The following TARBP2 variants were observed in gnomAD, a reference collection of about 807,000 sequenced individuals.
TARBP2 encodes TARBP2 subunit of RISC loading complex, also known as RISC-loading complex subunit TARBP2.
In TARBP2, 23 loss-of-function variants were observed where a neutral mutation model predicts 40.4. The ratio of observed to expected loss-of-function variants is 0.57; its 90% CI spans 0.41 to 0.81. The LOEUF is 0.81. TARBP2 is among the 30% of genes least tolerant of loss of function. The probability of loss-of-function intolerance (pLI) is 0.00; values close to 1 mark genes in which losing one functional copy is unlikely to be tolerated. For missense variants in TARBP2, 358 were observed against 473.7 expected (o/e 0.76, Z 2.27); for synonymous variants, 183 against 190.5 (o/e 0.96, Z 0.32).
chr12:53,501,745 G>C, intron 1 of TARBP2: 2 of 1,418,956 alleles, frequency 1.4e-6, no homozygotes, highest in Non-Finnish European at 9.2e-7. Flanking sequence ...TGTGTCAGGG[G>C]GTATGCACTT....
At chr12:53,502,506 G>GGTGCTTAACCAAATTCCC (rs1349594290) in intron 2 of TARBP2, 44 of 332,436 alleles carry the variant, frequency 1.3e-4, no homozygotes, top group African/African-American at 8.9e-4. Context: ...CTCTGTTCCC[G>GGTGCTTAACCAAATTCCC]GTGCTTAACC....
At position 53,505,538 on chromosome 12, in the gene TARBP2, C is replaced by A; in HGVS notation, c.742-111C>A. The A allele has an allele frequency of 8.1e-7, 1 of 1,236,560 alleles. No homozygotes were observed. The highest frequency in any genetic ancestry group is 1.2e-6 in the Non-Finnish European group (1 of 866,824). The allele number at this position is 1,236,560 out of a possible 1,614,324, so 76.6% of individuals were successfully genotyped here. Reference sequence around the variant, plus strand: ...CACCCAGGGATTGACTGGGGGGAGGCAAGCTGGAGGAAGCATTCTTTGTGC... The same window carrying A: ...CACCCAGGGATTGACTGGGGGGAGGAAAGCTGGAGGAAGCATTCTTTGTGC... On this transcript the variant is annotated intron_variant, in intron 7 of 8. Transcript: ENST00000266987. This position sits in a 1 kb window ranked among gnomAD's most constrained non-coding sequence, Gnocchi z 4.5.
Position 53,505,965 on chromosome 12 carries a change from C to A in TARBP2, c.944-26C>A. 6.2e-7 allele frequency: 1 copy of A among 1,608,550 alleles called. No individual in the cohort carries two copies. Among genetic ancestry groups the A allele is most frequent in the Non-Finnish European group, 8.5e-7 (1 of 1,175,650 alleles). On this transcript the variant is annotated intron_variant, in intron 8 of 8. Coordinates refer to ENST00000266987, the MANE Select transcript of TARBP2 (RefSeq NM_134323.2). This position sits in a 1 kb window ranked among gnomAD's most constrained non-coding sequence, Gnocchi z 4.5. ...CCCAGGGCTACCTCCCCCAACATTG[C>A]CTCCCTCCTCTCTCTTGCTCTCCAG...
At chr12:53,504,105 A>G in intron 4 of TARBP2, 2 of 568,366 alleles carry the variant, frequency 3.5e-6, no homozygotes, top group Non-Finnish European at 6.2e-6. Flanking sequence ...CCCATCAGGC[A>G]CTTCTGGGAC....
rs1398154747 is a variant in TARBP2 at position 53,505,623 on chromosome 12, C to T, written c.742-26C>T. 1.2e-6 allele frequency: 2 copies of T among 1,606,718 alleles called. No homozygotes were observed. The highest frequency in any genetic ancestry group is 2.2e-5 in the East Asian group (1 of 44,800). ...TGGGTCCCACAGTCTCTCGCTTCAT[C>T]TTTCTCACTGTTCCCATCTTGACAG... On this transcript the variant is annotated intron_variant, in intron 7 of 8. Transcript: ENST00000266987. This position sits in a 1 kb window ranked among gnomAD's most constrained non-coding sequence, Gnocchi z 4.5.
At chr12:53,501,928 T>C (rs1421082618) in intron 1 of TARBP2, 87 bp from the exon 2 acceptor site, 45 of 1,548,650 alleles carry the variant, frequency 2.9e-5, no homozygotes, top group Non-Finnish European at 3.2e-5. Flanking sequence ...ATGTCCCCCA[T>C]AATGTGCCTA....
Position 53,505,722 on chromosome 12 carries a change from TAGGAG to T in TARBP2, c.818_822del (p.Gly273GlufsTer26). 1 of 1,614,068 alleles carries T rather than the reference TAGGAG, an allele frequency of 6.2e-7. No homozygotes were observed. The highest frequency in any genetic ancestry group is 8.5e-7 in the Non-Finnish European group (1 of 1,179,988). On this transcript the variant is annotated frameshift_variant, in exon 8 of 9. Coordinates refer to ENST00000266987, the MANE Select transcript of TARBP2 (RefSeq NM_134323.2). LOFTEE classifies it high-confidence loss of function. The surrounding 1 kb of genome is among the most constrained non-coding windows in gnomAD (Gnocchi z 4.5). ...ACCTGGGATTCTCTACGAAATTCAG[TAGGAG>T]AGAAGATCCTGTCCCTCCGCAGTTG...
In TARBP2 at chr12:53,505,442, C is replaced by G. The variant is rs1349137720; in HGVS notation, c.741+180C>G. On this transcript the variant is annotated intron_variant, in intron 7 of 8. Coordinates refer to ENST00000266987, the MANE Select transcript of TARBP2 (RefSeq NM_134323.2). This position sits in a 1 kb window ranked among gnomAD's most constrained non-coding sequence, Gnocchi z 4.5. Reference sequence around the variant, plus strand: ...ACTCAGCCTTGACTGTAGGCCCGCTCTGTAGCTCTGTTACTGGGGTGAGGA... The same window carrying G: ...ACTCAGCCTTGACTGTAGGCCCGCTGTGTAGCTCTGTTACTGGGGTGAGGA... Among the ~76,000 whole-genome samples the G allele has an allele frequency of 6.6e-6, 1 of 152,182 alleles. No individual in the cohort carries two copies. Among genetic ancestry groups the G allele is most frequent in the Non-Finnish European group, 1.5e-5 (1 of 68,038 alleles).
chr12:53,504,655 CT>C, intron 5 of TARBP2, 42 bp from the exon 6 acceptor site: 1 of 1,614,066 alleles, frequency 6.2e-7, no homozygotes. Flanking sequence ...TGTGAGAAGC[CT>C]TTTTTCACTC....
chr12:53,501,252 G>A (rs1351201485), upstream of TARBP2: 12 of 745,714 alleles, frequency 1.6e-5, no homozygotes, highest in East Asian at 2.7e-4. Context: ...GGAGGCTCAC[G>A]AAGTAGGGTG....
upstream of TARBP2, chr12:53,501,167 C>T (rs1239341767): frequency 5.3e-6 from 3 of 564,378 alleles, no homozygotes; most frequent in South Asian, 2.2e-5. Context: ...GCCCGCTCCT[C>T]CCAGAAGGCG....
At chr12:53,503,879 G>T in intron 4 of TARBP2, 71 bp downstream of exon 4, 2 of 1,162,902 alleles carry the variant, frequency 1.7e-6, no homozygotes, top group Non-Finnish European at 1.3e-6. Context: ...TCAGTCCTTG[G>T]ACCCAAGCTG....
At chr12:53,502,945 T>C in intron 2 of TARBP2, 82 bp from the exon 3 acceptor site, 1 of 1,416,966 alleles carries the variant, frequency 7.1e-7, no homozygotes, top group East Asian at 2.7e-5. Context: ...TCCCTCTGGC[T>C]ACGAGGAGAG....
chr12:53,501,708 G>T, intron 1 of TARBP2: 1 of 1,432,966 alleles, frequency 7.0e-7, no homozygotes, highest in Non-Finnish European at 9.1e-7. Context: ...CAGTGCATTT[G>T]GTGGGTACTG....
rs1943936637 is a variant in TARBP2, at chr12:53,505,548, G to C, written c.742-101G>C. On this transcript the variant is annotated intron_variant, in intron 7 of 8. Coordinates refer to ENST00000266987, the MANE Select transcript of TARBP2 (RefSeq NM_134323.2). This position sits in a 1 kb window ranked among gnomAD's most constrained non-coding sequence, Gnocchi z 4.5. The stretch of plus-strand genomic sequence containing the variant: ...TTGACTGGGGGGAGGCAAGCTGGAG[G>C]AAGCATTCTTTGTGCTTTGTTCTCC... The C allele has an allele frequency of 1.6e-6, 2 of 1,289,440 alleles. No homozygotes were observed. Among genetic ancestry groups the C allele is most frequent in the Non-Finnish European group, 2.2e-6 (2 of 908,590 alleles). 79.9% of individuals were successfully genotyped at this position (1,289,440 alleles called of 1,614,324 possible).
At chr12:53,501,653 G>A in intron 1 of TARBP2, 192 bp downstream of exon 1, 3 of 1,446,494 alleles carry the variant, frequency 2.1e-6, no homozygotes, top group Non-Finnish European at 2.7e-6. Flanking sequence ...GGGTTGGCCC[G>A]GTTCCCAGAC....
intron 4 of TARBP2, 25 bp downstream of exon 4, chr12:53,503,833 AG>A: frequency 6.3e-7 from 1 of 1,589,160 alleles, no homozygotes; most frequent in Non-Finnish European, 8.6e-7. Context: ...TGACTGCCTG[AG>A]GTGGGTGGAG....
At position 53,505,686 on chromosome 12, in the gene TARBP2, G is replaced by T. The variant is rs776152218; in HGVS notation, c.779G>T (p.Gly260Val). 6.2e-7 allele frequency: 1 copy of T among 1,614,134 alleles called. No homozygotes were observed. Among genetic ancestry groups the T allele is most frequent in the South Asian group, 1.1e-5 (1 of 91,092 alleles). ...GSRLDGLRNR[G>V]PGCTWDSLRN... ...CGCCTGGATGGTCTTCGAAACCGGG[G>T]CCCAGGTTGCACCTGGGATTCTCTA... Residue 260 changes from glycine (G) to valine (V), a missense_variant, in exon 8 of 9, where the codon GGC (glycine) becomes GTC (valine). This residue lies in a region of TARBP2 where 317 missense variants were observed against 422.9 expected (regional missense o/e 0.75). Coordinates refer to ENST00000266987, the MANE Select transcript of TARBP2 (RefSeq NM_134323.2). This position sits in a 1 kb window ranked among gnomAD's most constrained non-coding sequence, Gnocchi z 4.5.
intron 5 of TARBP2, 76 bp downstream of exon 5, chr12:53,504,545 T>G: frequency 6.2e-7 from 1 of 1,603,578 alleles, no homozygotes; most frequent in South Asian, 1.1e-5. Flanking sequence ...CTATGTGTGT[T>G]TGGGGGTGGG....
Sources: allele counts gnomAD v4.1 joint callset (sites outside exome capture counted in the v4.1 genomes callset), GRCh38; gene constraint gnomAD v4.1.1; regional missense constraint gnomAD v4.1.1; non-coding constraint Gnocchi (gnomAD v3.1); transcripts MANE v1.5; gene names NCBI Gene and HGNC (gene_info 2026-07-23, HGNC 2026-07-21).